The following GAB2 variants were observed in gnomAD, a reference collection of about 807,000 sequenced individuals.
GAB2 encodes the protein GRB2 associated binding protein 2, also known as GRB2-associated-binding protein 2.
A neutral mutation model predicts 65.5 loss-of-function variants in GAB2; 26 were observed. The ratio of observed to expected loss-of-function variants is 0.40; its 90% CI spans 0.29 to 0.55. The LOEUF (loss-of-function observed/expected upper bound fraction) is 0.55. GAB2 is among the 20% of genes least tolerant of loss of function. GAB2 has a pLI of 0.53. For missense variants in GAB2, 884 were observed against 875.8 expected (o/e 1.01, Z -0.12); for synonymous variants, 321 against 329.6 (o/e 0.97, Z 0.28).
rs531136234 is a variant in GAB2 at position 78,340,863 on chromosome 11, C to T, written c.76-59962G>A. Among the ~76,000 whole-genome samples the T allele has an allele frequency of 2.0e-5, 3 of 152,276 alleles. No homozygotes were observed. The East Asian group carries it at 5.8e-4, about 29-fold the overall frequency. Reference sequence around the variant, plus strand: ...GCCCAAGGTAAATCTAGGTCTCAAACCCAGATCTGGCTCAAAATCATCTCT... The same window carrying T: ...GCCCAAGGTAAATCTAGGTCTCAAATCCAGATCTGGCTCAAAATCATCTCT... On this transcript the variant is annotated intron_variant, in intron 1 of 9. Transcript: ENST00000361507.
At chr11:78,223,119 G>A (rs1864508689) in intron 6 of GAB2, among the ~76,000 whole-genome samples, 1 of 152,220 alleles carries the variant, frequency 6.6e-6, no homozygotes. Flanking sequence ...TGCCAGGAGA[G>A]TGAGATTGTA....
At chr11:78,384,623 C>T (rs1295558698) in intron 1 of GAB2, among the ~76,000 whole-genome samples, 1 of 152,198 alleles carries the variant, frequency 6.6e-6, no homozygotes, top group African/African-American at 2.4e-5. Context: ...AATGAGGTCA[C>T]AGCCCATGAG....
Position 78,299,465 on chromosome 11 carries a change from C to T in GAB2, c.76-18564G>A, listed in dbSNP as rs144809031. On this transcript the variant is annotated intron_variant, in intron 1 of 9. Coordinates refer to ENST00000361507, the MANE Select transcript of GAB2 (RefSeq NM_080491.3). ...CAAACTGTGAAGACACATGAACATG[C>T]GCACAAAGTCTGGTGCTTTCTGGAG... Among the ~76,000 whole-genome samples, 19 of 152,322 alleles carry T rather than the reference C, an allele frequency of 1.2e-4. No individual in the cohort carries two copies. The East Asian group carries it at 3.3e-3, about 26-fold the overall frequency.
At chr11:78,351,857 A>G (rs1458701462) in intron 1 of GAB2, among the ~76,000 whole-genome samples, 1 of 152,144 alleles carries the variant, frequency 6.6e-6, no homozygotes, top group Non-Finnish European at 1.5e-5. Context: ...CAAAGTACAA[A>G]AACTTGTACT....
At position 78,226,680 on chromosome 11, in the gene GAB2, G is replaced by A. The variant is rs1488728549; in HGVS notation, c.992C>T (p.Thr331Ile). The A allele has an allele frequency of 1.9e-6, 3 of 1,614,078 alleles. No homozygotes were observed. Among genetic ancestry groups the A allele is most frequent in the South Asian group, 2.2e-5 (2 of 91,078 alleles). The change falls in exon 4 of 10, where the codon ACT (threonine) becomes ATT (isoleucine). Residue 331 changes from threonine to isoleucine, a missense_variant. Coordinates refer to ENST00000361507, the MANE Select transcript of GAB2 (RefSeq NM_080491.3). Reference protein sequence around the residue: ...LSAYQIPRTFTLDKNHNAMTV... With the variant: ...LSAYQIPRTFILDKNHNAMTV... ...CATGGCATTGTGGTTTTTGTCCAGA[G>A]TGAATGTCCTAGGGATCTGGTAGGC...
rs1432397596 is a variant in GAB2, at chr11:78,215,471, A to G, written c.*3801T>C. The G allele has an allele frequency of 1.3e-5, 2 of 152,780 alleles. No homozygotes were observed. Among genetic ancestry groups the G allele is most frequent in the Non-Finnish European group, 1.5e-5 (1 of 68,038 alleles). 9.5% of individuals were successfully genotyped at this position (152,780 alleles called of 1,614,324 possible). ...CAATTTAAAAAAAAGAATACAACAG[A>G]ATAAATTAATAACTTAAGTGATTAG... On this transcript the variant is annotated 3_prime_UTR_variant, in exon 10 of 10. Transcript: ENST00000361507.
At chr11:78,308,389 A>G (rs1409684465) in intron 1 of GAB2, among the ~76,000 whole-genome samples, 1 of 152,146 alleles carries the variant, frequency 6.6e-6, no homozygotes, top group African/African-American at 2.4e-5. Flanking sequence ...GGCATCTTTG[A>G]TGTGATTATG....
At position 78,226,455 on chromosome 11, in the gene GAB2, T is replaced by TA. The variant is rs776658080; in HGVS notation, c.1207+9_1207+10insT. The TA allele has an allele frequency of 6.2e-7, 1 of 1,604,080 alleles. No individual in the cohort carries two copies. The highest frequency in any genetic ancestry group is 8.5e-7 in the Non-Finnish European group (1 of 1,170,864). On this transcript the variant is annotated intron_variant, in intron 4 of 9. Transcript: ENST00000361507. ...CCTCCCTCTGAGTCTCAGCTAGGAC[T>TA]TATACTGACCTCGGTGAAGTCGGCT...
intron 1 of GAB2, among the ~76,000 whole-genome samples, chr11:78,370,969 C>T (rs2134728142): frequency 6.6e-6 from 1 of 152,228 alleles, no homozygotes; most frequent in South Asian, 2.1e-4. Flanking sequence ...CCAAATGGGG[C>T]TTAGGCACAT....
rs1857065418 is a variant in GAB2, at chr11:78,407,658, TAAG to T, written c.75+9985_75+9987del. On this transcript the variant is annotated intron_variant, in intron 1 of 9. Coordinates refer to ENST00000361507, the MANE Select transcript of GAB2 (RefSeq NM_080491.3). ...CAAAGAAAGAAAGAAAGAAAGAAAG[TAAG>T]AAAGAAAGAAAGAAAGAAAGAAAGA... is the stretch of plus-strand genomic sequence containing the variant. Among the ~76,000 whole-genome samples, 4 of 117,234 alleles carry T rather than the reference TAAG, an allele frequency of 3.4e-5. No individual in the cohort carries two copies. In the South Asian group the frequency reaches 1.2e-3, roughly 34 times the overall value. 76.9% of individuals were successfully genotyped at this position (117,234 alleles called of 152,430 possible).
chr11:78,225,618 C>G (rs1336552542), intron 4 of GAB2, among the ~76,000 whole-genome samples: 1 of 152,202 alleles, frequency 6.6e-6, no homozygotes. Context: ...ATGTCTTTAT[C>G]ATCTCAGTTC....
intron 1 of GAB2, among the ~76,000 whole-genome samples, chr11:78,283,057 G>A (rs1866374909): frequency 6.6e-6 from 1 of 152,128 alleles, no homozygotes; most frequent in Non-Finnish European, 1.5e-5. Context: ...ACTTCAAGTG[G>A]CCCCTCATGT....
chr11:78,314,271 T>C (rs554142977), intron 1 of GAB2, among the ~76,000 whole-genome samples: 1 of 152,352 alleles, frequency 6.6e-6, no homozygotes, highest in African/African-American at 2.4e-5. Flanking sequence ...GAAAGTGTTA[T>C]AACAGTGACA....
intron 1 of GAB2, among the ~76,000 whole-genome samples, chr11:78,401,100 T>C (rs1001433186): frequency 6.8e-6 from 1 of 147,450 alleles, no homozygotes; most frequent in Admixed American, 6.7e-5. Flanking sequence ...TACTAACCTT[T>C]ACCAAGTGAG....
intron 5 of GAB2, among the ~76,000 whole-genome samples, chr11:78,224,121 CAA>C (rs751269566): frequency 3.9e-5 from 6 of 152,130 alleles, no homozygotes; most frequent in Non-Finnish European, 7.4e-5. Context: ...GAGTGGGAGA[CAA>C]GAATATATGA....
intron 1 of GAB2, among the ~76,000 whole-genome samples, chr11:78,310,374 A>G (rs555399432): frequency 2.0e-5 from 3 of 150,234 alleles, no homozygotes; most frequent in Admixed American, 6.6e-5. Flanking sequence ...TTAGCCGGGC[A>G]CGGTGGTGGG....
intron 3 of GAB2, among the ~76,000 whole-genome samples, chr11:78,245,904 A>ATATAAAC (rs1389627000): frequency 6.6e-6 from 1 of 151,858 alleles, no homozygotes; most frequent in African/African-American, 2.4e-5. Flanking sequence ...CTTTTGCCGA[A>ATATAAAC]TATAAACTCC....
intron 1 of GAB2, among the ~76,000 whole-genome samples, chr11:78,343,923 A>T (rs1856140849): frequency 6.6e-6 from 1 of 152,172 alleles, no homozygotes; most frequent in South Asian, 2.1e-4. Flanking sequence ...TCAAGTACTC[A>T]ACAGACCAGG....
At chr11:78,319,076 G>A (rs1345266803) in intron 1 of GAB2, among the ~76,000 whole-genome samples, 4 of 149,724 alleles carry the variant, frequency 2.7e-5, no homozygotes, top group Middle Eastern at 3.4e-3. Flanking sequence ...CCCAGAGGCC[G>A]CTGAGGTTGC....
Sources: gnomAD v4.1 joint callset for allele counts (sites outside exome capture counted in the v4.1 genomes callset) on GRCh38, gnomAD v4.1.1 for gene constraint, MANE v1.5 for transcripts, NCBI Gene and HGNC (gene_info 2026-07-23, HGNC 2026-07-21) for gene names.